Variants in CSGALNACT1 observed in about 807,000 individuals in gnomAD.
CSGALNACT1 encodes the protein chondroitin sulfate N-acetylgalactosaminyltransferase 1.
In CSGALNACT1, 52 loss-of-function variants were observed where a neutral mutation model predicts 51.0. The ratio of observed to expected loss-of-function variants is 1.02; its 90% confidence interval spans 0.82 to 1.29. The LOEUF (loss-of-function observed/expected upper bound fraction) is 1.29, where lower values mean the gene tolerates loss of function less well. CSGALNACT1 is among the 50% of genes most tolerant of loss of function. CSGALNACT1 has a pLI of 0.00. For synonymous variants in CSGALNACT1, 341 were observed against 254.4 expected, an observed-to-expected ratio of 1.34 and a Z score of -3.24; for missense variants, 935 against 679.2, an observed-to-expected ratio of 1.38 and a Z score of -4.19.
intron 1 of CSGALNACT1, among the ~76,000 whole-genome samples, chr8:19,639,066 G>T (rs902317528): frequency 3.3e-5 from 5 of 152,088 alleles, no homozygotes; most frequent in Non-Finnish European, 7.4e-5. Flanking sequence ...TGCCTCTTCA[G>T]GACTCTGAAG....
chr8:19,608,241 G>A (rs1164684620), intron 1 of CSGALNACT1, among the ~76,000 whole-genome samples: 1 of 152,166 alleles, frequency 6.6e-6, no homozygotes, highest in African/African-American at 2.4e-5. Context: ...CCAGGCAACA[G>A]GGACACCTAT....
At chr8:19,564,767 C>A (rs941581908) in intron 3 of CSGALNACT1, among the ~76,000 whole-genome samples, 5 of 152,192 alleles carry the variant, frequency 3.3e-5, no homozygotes, top group Admixed American at 3.3e-4. Flanking sequence ...CTGCATAGCA[C>A]TTTTTCTGTA....
intron 1 of CSGALNACT1, among the ~76,000 whole-genome samples, chr8:19,661,552 G>A (rs533766955): frequency 1.3e-5 from 2 of 152,296 alleles, no homozygotes; most frequent in Admixed American, 6.5e-5. Context: ...CTGTAATACA[G>A]TACTATTCCC....
upstream of CSGALNACT1, among the ~76,000 whole-genome samples, chr8:19,686,897 CCTT>C (rs1332751463): frequency 6.6e-6 from 1 of 152,148 alleles, no homozygotes; most frequent in Non-Finnish European, 1.5e-5. Flanking sequence ...ATCTCTCTCT[CCTT>C]CTCTGACTCC....
At chr8:19,437,231 G>A (rs1211243413) in intron 6 of CSGALNACT1, among the ~76,000 whole-genome samples, 1 of 152,116 alleles carries the variant, frequency 6.6e-6, no homozygotes, top group South Asian at 2.1e-4. Flanking sequence ...GGTGGGGAGT[G>A]ATGGGGGTTG....
intron 3 of CSGALNACT1, among the ~76,000 whole-genome samples, chr8:19,506,825 C>T (rs115732193): frequency 6.6e-6 from 1 of 152,210 alleles, no homozygotes; most frequent in Non-Finnish European, 1.5e-5. Flanking sequence ...TCATCAGAAG[C>T]AGATGCTGGT....
At chr8:19,691,442 A>G (rs577293590) in intron 1 of CSGALNACT1, among the ~76,000 whole-genome samples, 1 of 152,338 alleles carries the variant, frequency 6.6e-6, no homozygotes, top group African/African-American at 2.4e-5. Context: ...AAAACAAAAC[A>G]AAAACAAACA....
At chr8:19,566,228 G>A (rs186701313) in intron 3 of CSGALNACT1, among the ~76,000 whole-genome samples, 2 of 152,266 alleles carry the variant, frequency 1.3e-5, no homozygotes, top group East Asian at 1.9e-4. Flanking sequence ...AGAGGCAGAG[G>A]GAGTTTTGAC....
At chr8:19,646,962 A>G (rs1379238621) in intron 1 of CSGALNACT1, among the ~76,000 whole-genome samples, 1 of 151,784 alleles carries the variant, frequency 6.6e-6, no homozygotes, top group Non-Finnish European at 1.5e-5. Flanking sequence ...CACCAAGAAT[A>G]CATGCATGAC....
At chr8:19,420,465 C>T (rs760621032) in exon 7 of CSGALNACT1, 21 of 1,614,054 alleles carry the variant, frequency 1.3e-5, no homozygotes, top group South Asian at 3.3e-5. Context: ...TCCCTTTCCC[C>T]GAGAAAATTC....
At chr8:19,468,691 G>C (rs1404971449) in intron 4 of CSGALNACT1, among the ~76,000 whole-genome samples, 2 of 151,936 alleles carry the variant, frequency 1.3e-5, no homozygotes, top group Non-Finnish European at 2.9e-5. Flanking sequence ...GAGGGAGAGG[G>C]AGAAAAGGAG....
chr8:19,457,729 T>C (rs953623531), intron 5 of CSGALNACT1: 9 of 1,345,652 alleles, frequency 6.7e-6, no homozygotes, highest in Admixed American at 3.9e-5. Context: ...TCAGCCAATA[T>C]GTGCATCTGA....
intron 1 of CSGALNACT1, among the ~76,000 whole-genome samples, chr8:19,705,389 C>CATGT (rs2062099554): frequency 6.6e-6 from 1 of 152,132 alleles, no homozygotes. Flanking sequence ...CATTCAATGA[C>CATGT]ATGTTTTTGA....
chr8:19,727,070 G>C (rs2063438295), intron 1 of CSGALNACT1, among the ~76,000 whole-genome samples: 1 of 152,138 alleles, frequency 6.6e-6, no homozygotes, highest in Non-Finnish European at 1.5e-5. Flanking sequence ...TATTGGTCCA[G>C]CCTGGGTCAC....
At chr8:19,528,237 C>T (rs572655495) in intron 3 of CSGALNACT1, among the ~76,000 whole-genome samples, 35 of 151,466 alleles carry the variant, frequency 2.3e-4, no homozygotes, top group Admixed American at 6.6e-4. Context: ...TCCATCTGCC[C>T]GAACACCATT....
Position 19,667,029 on chromosome 8 carries a change from AAGGAAGGAAGG to A in CSGALNACT1, c.-544+15433_-544+15443del, listed in dbSNP as rs1455760509. On this transcript the variant is annotated intron_variant, in intron 1 of 9. Transcript: ENST00000332246. ...AAAGAAAGAAAGAAAGGAAGGAAGG[AAGGAAGGAAGG>A]AAGAAAGAAAGAAAGAAAGAAAGAA... 6.2e-3 allele frequency among the ~76,000 whole-genome samples: 236 copies of A among 37,922 alleles called. 18 individuals carry two copies. The highest frequency in any genetic ancestry group is 0.024 in the African/African-American group (131 of 5,436). The allele number at this position is 37,922 out of a possible 152,430, so 24.9% of individuals were successfully genotyped here. A position where few individuals can be genotyped will look rare whatever the true frequency, so the allele number is the denominator to read the frequency against.
chr8:19,720,893 G>T (rs1470847604), intron 1 of CSGALNACT1, among the ~76,000 whole-genome samples: 1 of 152,164 alleles, frequency 6.6e-6, no homozygotes, highest in East Asian at 1.9e-4. Context: ...CCCCAAGGGG[G>T]CCTGCTGAAG....
chr8:19,469,652 G>T (rs188226989), intron 4 of CSGALNACT1, among the ~76,000 whole-genome samples: 1 of 152,050 alleles, frequency 6.6e-6, no homozygotes, highest in Non-Finnish European at 1.5e-5. Flanking sequence ...GGTCTGGCAC[G>T]GCTACATCCT....
intron 1 of CSGALNACT1, among the ~76,000 whole-genome samples, chr8:19,726,939 T>C (rs1391873330): frequency 6.6e-6 from 1 of 152,214 alleles, no homozygotes; most frequent in African/African-American, 2.4e-5. Context: ...TAGAAGCTTC[T>C]AGACAGCAAC....
Sources: gnomAD v4.1 joint callset for allele counts (sites outside exome capture counted in the v4.1 genomes callset) on GRCh38, gnomAD v4.1.1 for gene constraint, MANE v1.5 for transcripts, NCBI Gene and HGNC (gene_info 2026-07-23, HGNC 2026-07-21) for gene names.